The following HYCC1 variants were observed in gnomAD, a reference collection of about 807,000 sequenced individuals.
The protein encoded by HYCC1 is hyccin.
At chr7:22,936,910 G>A in the HYCC1 span, 2 of 152,144 alleles carry the variant, frequency 1.3e-5, no homozygotes, top group Admixed American at 6.6e-5. Context: ...CCTATTGTAC[G>A]AGTATTCATG....
chr7:22,914,895 C>A, the HYCC1 span, among the ~76,000 whole-genome samples: 9 of 152,160 alleles, frequency 5.9e-5, no homozygotes, highest in African/African-American at 1.9e-4. Context: ...ATTATAATTT[C>A]GTTCCGTGAC....
the HYCC1 span, among the ~76,000 whole-genome samples, chr7:22,962,195 A>G: frequency 6.6e-6 from 1 of 152,164 alleles, no homozygotes; most frequent in African/African-American, 2.4e-5. Flanking sequence ...GGGCCACAAT[A>G]CAAGCAGGTA....
At chr7:22,970,303 A>C in the HYCC1 span, among the ~76,000 whole-genome samples, 1 of 152,244 alleles carries the variant, frequency 6.6e-6, no homozygotes, top group Non-Finnish European at 1.5e-5. Flanking sequence ...ATTTTTTAAA[A>C]GTAAAAATCC....
chr7:22,929,405 A>C, the HYCC1 span, among the ~76,000 whole-genome samples: 1 of 152,220 alleles, frequency 6.6e-6, no homozygotes, highest in Admixed American at 6.5e-5. Flanking sequence ...TGAACAGGCA[A>C]CCTACAAAAT....
chr7:23,001,620 A>C, the HYCC1 span, among the ~76,000 whole-genome samples: 1 of 152,208 alleles, frequency 6.6e-6, no homozygotes. Context: ...ATGGTAGGGT[A>C]CTGGAGAAAA....
At chr7:22,985,108 C>G in the HYCC1 span, among the ~76,000 whole-genome samples, 22 of 149,300 alleles carry the variant, frequency 1.5e-4, no homozygotes, top group African/African-American at 5.4e-4. Flanking sequence ...AAATTACTTC[C>G]TTCAGTCAGT....
At chr7:23,010,772 G>A in the HYCC1 span, among the ~76,000 whole-genome samples, 1 of 152,150 alleles carries the variant, frequency 6.6e-6, no homozygotes, top group African/African-American at 2.4e-5. Context: ...TAAAGTTCCT[G>A]AGATTATTGT....
chr7:22,953,274 A>G, the HYCC1 span, among the ~76,000 whole-genome samples: 8 of 151,928 alleles, frequency 5.3e-5, no homozygotes, highest in Non-Finnish European at 1.2e-4. Flanking sequence ...AACTACCTGT[A>G]AAAGCTTATT....
chr7:22,989,284 A>C, the HYCC1 span, among the ~76,000 whole-genome samples: 1 of 90,394 alleles, frequency 1.1e-5, no homozygotes, highest in Non-Finnish European at 2.2e-5. Flanking sequence ...CACAAGCAGG[A>C]AACACACACA....
At chr7:22,991,185 T>C in the HYCC1 span, 1 of 1,234,224 alleles carries the variant, frequency 8.1e-7, no homozygotes, top group Non-Finnish European at 1.2e-6. Context: ...ATATATTTTA[T>C]TTAGTCAGAT....
At chr7:22,965,144 A>AAAG in the HYCC1 span, among the ~76,000 whole-genome samples, 5 of 151,212 alleles carry the variant, frequency 3.3e-5, no homozygotes, top group East Asian at 7.7e-4. Context: ...AAAAAAAAAA[A>AAAG]AAAGAAAGAA....
the HYCC1 span, chr7:23,013,781 T>C: frequency 8.5e-6 from 3 of 352,872 alleles, no homozygotes; most frequent in East Asian, 7.8e-5. Context: ...CGGGAGCCGT[T>C]ACCCCCAGTG....
the HYCC1 span, chr7:22,983,630 T>C: frequency 6.9e-6 from 2 of 291,504 alleles, no homozygotes; most frequent in Admixed American, 9.3e-5. Flanking sequence ...TTTGATTCTC[T>C]ACTGCCTAGC....
chr7:22,897,304 A>T, the HYCC1 span, among the ~76,000 whole-genome samples: 1 of 152,210 alleles, frequency 6.6e-6, no homozygotes, highest in Non-Finnish European at 1.5e-5. Flanking sequence ...TTCTGATTTT[A>T]TTCAGTGACA....
the HYCC1 span, chr7:22,964,361 CTA>C: frequency 1.0e-6 from 1 of 995,194 alleles, no homozygotes; most frequent in Admixed American, 1.7e-5. Flanking sequence ...GATGAACAGA[CTA>C]TAATTTTCCA....
chr7:22,975,916 T>TG, the HYCC1 span, among the ~76,000 whole-genome samples: 1 of 152,068 alleles, frequency 6.6e-6, no homozygotes, highest in Non-Finnish European at 1.5e-5. Flanking sequence ...ACAGGGGTCT[T>TG]GCTATGTTGC....
At chr7:22,975,153 T>C in the HYCC1 span, among the ~76,000 whole-genome samples, 2 of 152,234 alleles carry the variant, frequency 1.3e-5, no homozygotes, top group East Asian at 1.9e-4. Flanking sequence ...TCCTTAGTTC[T>C]ATAATATCTC....
At chr7:22,910,639 C>T in the HYCC1 span, among the ~76,000 whole-genome samples, 7 of 152,174 alleles carry the variant, frequency 4.6e-5, no homozygotes, top group African/African-American at 1.2e-4. Flanking sequence ...ACATGTATAA[C>T]TGCAAGGTTA....
the HYCC1 span, chr7:22,945,675 C>T: frequency 6.1e-4 from 986 of 1,613,766 alleles, no homozygotes; most frequent in Non-Finnish European, 8.0e-4. Flanking sequence ...CTTTCTGAAA[C>T]GTAAATAAGC....
Sources: gnomAD v4.1 joint callset for allele counts (sites outside exome capture counted in the v4.1 genomes callset) on GRCh38, gnomAD v4.1.1 for gene constraint, MANE v1.5 for transcripts, NCBI Gene and HGNC (gene_info 2026-07-23, HGNC 2026-07-21) for gene names.